Variants in KCNIP1 observed in about 807,000 individuals in gnomAD.
KCNIP1 encodes A-type potassium channel modulatory protein KCNIP1.
A neutral mutation model predicts 33.0 loss-of-function variants in KCNIP1; 18 were observed. That is an observed-to-expected ratio of 0.55 (90% confidence interval 0.38 to 0.81). KCNIP1 has a LOEUF of 0.81. KCNIP1 is among the 30% of genes least tolerant of loss of function. The pLI, the probability that KCNIP1 is intolerant of heterozygous loss-of-function variation, is 0.00. For missense variants in KCNIP1, 238 were observed against 271.6 expected (o/e 0.88, Z 0.87); for synonymous variants, 93 against 98.3 (o/e 0.95, Z 0.32).
chr5:170,555,083 C>G (rs1011363782), intron 1 of KCNIP1, among the ~76,000 whole-genome samples: 5 of 152,156 alleles, frequency 3.3e-5, no homozygotes, highest in African/African-American at 1.2e-4. Flanking sequence ...CGTTCGTTCC[C>G]AGCCCCATCT....
At chr5:170,508,847 G>C (rs536762636) in intron 1 of KCNIP1, among the ~76,000 whole-genome samples, 1 of 152,212 alleles carries the variant, frequency 6.6e-6, no homozygotes, top group Admixed American at 6.5e-5. Flanking sequence ...ATTCTTTTAA[G>C]GTGTACATTT....
At chr5:170,472,502 A>T (rs530179221) in intron 1 of KCNIP1, among the ~76,000 whole-genome samples, 1 of 152,252 alleles carries the variant, frequency 6.6e-6, no homozygotes, top group East Asian at 1.9e-4. Context: ...TTTAGTGGTG[A>T]TTTGTGAGAT....
At chr5:170,718,907 G>T in intron 2 of KCNIP1, 25 bp downstream of exon 2, 1 of 1,596,372 alleles carries the variant, frequency 6.3e-7, no homozygotes, top group Non-Finnish European at 8.5e-7. Flanking sequence ...CGCTCTGAAG[G>T]CCTGGGGGGG....
intron 1 of KCNIP1, chr5:170,385,218 G>A: frequency 7.4e-7 from 1 of 1,351,866 alleles, no homozygotes; most frequent in Admixed American, 1.7e-5. Context: ...TTGAATGAGG[G>A]TCAAGGAGAG....
At chr5:170,597,784 AATATATATATAT>A (rs10525595) in intron 1 of KCNIP1, among the ~76,000 whole-genome samples, 29 of 134,472 alleles carry the variant, frequency 2.2e-4, no homozygotes, top group African/African-American at 8.0e-4. Flanking sequence ...GAGAGAGATA[AATATATATATAT>A]ATATATATAT....
chr5:170,618,600 C>T (rs935398122), intron 1 of KCNIP1, among the ~76,000 whole-genome samples: 6 of 149,084 alleles, frequency 4.0e-5, no homozygotes, highest in Non-Finnish European at 8.9e-5. Context: ...CCTTTGCCAT[C>T]TGATTGGCAT....
intron 1 of KCNIP1, among the ~76,000 whole-genome samples, chr5:170,551,837 T>C (rs1405690450): frequency 6.6e-6 from 1 of 151,726 alleles, no homozygotes; most frequent in African/African-American, 2.4e-5. Flanking sequence ...TGAGTGTACG[T>C]GTTAGTGCAT....
At chr5:170,592,668 C>G (rs1193073829) in intron 1 of KCNIP1, among the ~76,000 whole-genome samples, 1 of 152,214 alleles carries the variant, frequency 6.6e-6, no homozygotes, top group Non-Finnish European at 1.5e-5. Context: ...GATGCAAGCT[C>G]AAGGCCACAC....
intron 1 of KCNIP1, among the ~76,000 whole-genome samples, chr5:170,631,939 G>A (rs537660011): frequency 6.6e-6 from 1 of 152,376 alleles, no homozygotes; most frequent in Admixed American, 6.5e-5. Context: ...CCTTCACAGG[G>A]ACATTCCCAA....
At chr5:170,728,640 A>G (rs1383753240) in intron 5 of KCNIP1, among the ~76,000 whole-genome samples, 1 of 152,174 alleles carries the variant, frequency 6.6e-6, no homozygotes, top group Non-Finnish European at 1.5e-5. Context: ...TTAGATGAAG[A>G]GAAAGAAAAT....
At chr5:170,365,332 C>T (rs566329146) in intron 1 of KCNIP1, among the ~76,000 whole-genome samples, 16 of 152,320 alleles carry the variant, frequency 1.1e-4, no homozygotes, top group Middle Eastern at 3.4e-3. Context: ...ACCATTTCCA[C>T]GTCCGTCTGT....
At chr5:170,586,202 T>A (rs1757983272) in intron 1 of KCNIP1, among the ~76,000 whole-genome samples, 1 of 152,224 alleles carries the variant, frequency 6.6e-6, no homozygotes, top group African/African-American at 2.4e-5. Context: ...CGATGGCTAT[T>A]ATGATCATCG....
At chr5:170,569,889 A>G (rs1166899673) in intron 1 of KCNIP1, among the ~76,000 whole-genome samples, 1 of 152,170 alleles carries the variant, frequency 6.6e-6, no homozygotes, top group African/African-American at 2.4e-5. Flanking sequence ...ATTGGGTTAA[A>G]AGGAAGCAAT....
chr5:170,382,110 G>A (rs3804241), intron 1 of KCNIP1, among the ~76,000 whole-genome samples: 2 of 152,170 alleles, frequency 1.3e-5, no homozygotes, highest in African/African-American at 4.8e-5. Context: ...GCCACATCTT[G>A]GTCGTGAGTG....
chr5:170,632,586 T>C (rs574996311), intron 1 of KCNIP1, among the ~76,000 whole-genome samples: 1 of 152,344 alleles, frequency 6.6e-6, no homozygotes, highest in South Asian at 2.1e-4. Context: ...TGCACATTCT[T>C]ACCGCCAGGG....
At chr5:170,414,531 T>C (rs1209461787) in intron 1 of KCNIP1, among the ~76,000 whole-genome samples, 1 of 151,376 alleles carries the variant, frequency 6.6e-6, no homozygotes, top group Non-Finnish European at 1.5e-5. Context: ...CCTTTTTCTG[T>C]CCATAAATCT....
intron 1 of KCNIP1, among the ~76,000 whole-genome samples, chr5:170,640,914 C>T (rs1376999739): frequency 1.3e-5 from 2 of 152,116 alleles, no homozygotes; most frequent in African/African-American, 4.8e-5. Flanking sequence ...GTGGAAGCAT[C>T]GTTGCTTAAA....
At chr5:170,417,895 CCCA>C (rs1755373174) in intron 1 of KCNIP1, among the ~76,000 whole-genome samples, 1 of 152,188 alleles carries the variant, frequency 6.6e-6, no homozygotes. Flanking sequence ...TCTCCTTATA[CCCA>C]GTCTTGCCCA....
intron 1 of KCNIP1, among the ~76,000 whole-genome samples, chr5:170,613,186 G>T (rs147575070): frequency 6.6e-6 from 1 of 152,230 alleles, no homozygotes; most frequent in Non-Finnish European, 1.5e-5. Flanking sequence ...GGCCTTCTCT[G>T]CCTCTTGCTG....
Sources: gnomAD v4.1 joint callset for allele counts (sites outside exome capture counted in the v4.1 genomes callset) on GRCh38, gnomAD v4.1.1 for gene constraint, MANE v1.5 for transcripts, NCBI Gene and HGNC (gene_info 2026-07-23, HGNC 2026-07-21) for gene names.